HOOK2: variants seen among roughly 807,000 people sequenced by gnomAD.
HOOK2 encodes protein Hook homolog 2.
Under a neutral mutation model 111.9 loss-of-function variants are expected in HOOK2, and 108 were observed. The observed-to-expected ratio is 0.96, with a 90% CI of 0.83 to 1.13. HOOK2 has a LOEUF of 1.13. HOOK2 is among the 50% of genes most tolerant of loss of function. The pLI is 0.00. For missense variants in HOOK2, 978 were observed against 951.3 expected, an observed-to-expected ratio of 1.03 and a Z score of -0.37; for synonymous variants, 405 against 394.3, an observed-to-expected ratio of 1.03 and a Z score of -0.32.
At chr19:12,767,205 T>G (rs1456205768) in intron 14 of HOOK2, among the ~76,000 whole-genome samples, 190 bp downstream of exon 14, 1 of 152,084 alleles carries the variant, frequency 6.6e-6, no homozygotes, top group Non-Finnish European at 1.5e-5. Context: ...GATAGACCCT[T>G]GAGAGGCAAA....
At chr19:12,771,895 A>AG (rs1568369835) in intron 7 of HOOK2, 1 of 394,238 alleles carries the variant, frequency 2.5e-6, no homozygotes, top group African/African-American at 2.1e-5. Context: ...AAAAAAAAAA[A>AG]AAAAGAAAAA....
Position 12,770,087 on chromosome 19 carries a change from G to A in HOOK2, c.903-5C>T. ...CCAGCACGCTCCGAAGACTGCCTAG[G>A]GGAGTGGGAGGGAAGGGGGAGGGCT... On this transcript the variant is annotated splice_region_variant and splice_polypyrimidine_tract_variant and intron_variant, in intron 10 of 22. Transcript: ENST00000397668. 1.3e-6 allele frequency: 2 copies of A among 1,486,316 alleles called. No individual in the cohort carries two copies. Among genetic ancestry groups the A allele is most frequent in the South Asian group, 1.3e-5 (1 of 78,652 alleles). 92.1% of individuals were successfully genotyped at this position (1,486,316 alleles called of 1,614,324 possible). A position where few individuals can be genotyped will look rare whatever the true frequency, so the allele number is the denominator to read the frequency against.
upstream of HOOK2, among the ~76,000 whole-genome samples, chr19:12,777,242 G>A (rs1170617665): frequency 6.6e-6 from 1 of 152,164 alleles, no homozygotes; most frequent in African/African-American, 2.4e-5. Flanking sequence ...GGGAGGTCGA[G>A]GAGGGAGGAC....
At position 12,767,681 on chromosome 19, in the gene HOOK2, C is replaced by T. The variant is rs961726442; in HGVS notation, c.1303+135G>A. 173 of 899,736 alleles carry T rather than the reference C, an allele frequency of 1.9e-4. 1 individual carries two copies. In the Admixed American group the frequency reaches 4.2e-3, roughly 22 times the overall value. The allele number at this position is 899,736 out of a possible 1,614,324, so 55.7% of individuals were successfully genotyped here. A position where few individuals can be genotyped will look rare whatever the true frequency, so the allele number is the denominator to read the frequency against. On this transcript the variant is annotated intron_variant, in intron 13 of 22. Transcript: ENST00000397668. The stretch of plus-strand genomic sequence containing the variant: ...CCCTGAGCCTCTCTCTTCAATTTGA[C>T]CGTGTCACCTCTTTCTGGTCACCTC...
In HOOK2 at chr19:12,765,059, G is replaced by C; in HGVS notation, c.1663C>G (p.Leu555Val). The change falls in exon 19 of 23, where the codon CTG (leucine) becomes GTG (valine). Residue 555 changes from leucine to valine, a missense_variant. By Grantham distance (32) the Leu-to-Val change is conservative (BLOSUM62 1). Coordinates refer to ENST00000397668, the MANE Select transcript of HOOK2 (RefSeq NM_013312.3). ...EHLQKLHEAD[L>V]ELQRKREYIE... The stretch of plus-strand genomic sequence containing the variant: ...TACTCCCGCTTCCTCTGCAACTCCA[G>C]ATCTGCCTCATGAAGCTTCTGCCTG... 1.9e-6 allele frequency: 3 copies of C among 1,614,186 alleles called. No homozygotes were observed. The highest frequency in any genetic ancestry group is 1.7e-6 in the Non-Finnish European group (2 of 1,180,022).
At chr19:12,772,476 G>A in intron 6 of HOOK2, 137 bp downstream of exon 6, 1 of 1,051,274 alleles carries the variant, frequency 9.5e-7, no homozygotes, top group Non-Finnish European at 1.4e-6. Context: ...AGACACATGA[G>A]ACAGAGATGT....
Position 12,770,968 on chromosome 19 carries a change from T to C in HOOK2, c.866A>G (p.Glu289Gly), listed in dbSNP as rs372058207. The C allele has an allele frequency of 7.3e-5, 118 of 1,610,062 alleles. 1 individual carries two copies. Among genetic ancestry groups the C allele is most frequent in the Admixed American group, 2.7e-4 (16 of 59,948 alleles). The change falls in exon 10 of 23, where the codon GAG becomes GGG. Residue 289 changes from glutamate (E) to glycine (G), a missense_variant. Coordinates refer to ENST00000397668, the MANE Select transcript of HOOK2 (RefSeq NM_013312.3). Reference sequence around the variant, plus strand: ...CATCTCATCCTTCAGGGCCTGTGCCTCCTGGGCCAGGCTAGTCAGCGCCTG... The same window carrying C: ...CATCTCATCCTTCAGGGCCTGTGCCCCCTGGGCCAGGCTAGTCAGCGCCTG... ...RNQALTSLAQEAQALKDEMDE... is the reference protein window; with the variant it reads ...RNQALTSLAQGAQALKDEMDE...
At chr19:12,781,483 C>T (rs1020479719), upstream of HOOK2, among the ~76,000 whole-genome samples, 9 of 151,486 alleles carry the variant, frequency 5.9e-5, no homozygotes, top group African/African-American at 1.7e-4. Context: ...CCCGCCACTA[C>T]GCCTGGCTAA....
At chr19:12,773,115 C>T (rs1968385512) in intron 3 of HOOK2, 71 bp from the exon 4 acceptor site, 1 of 1,410,836 alleles carries the variant, frequency 7.1e-7, no homozygotes, top group East Asian at 2.3e-5. Flanking sequence ...CCCATCCTCT[C>T]TCCACCTCAC....
Position 12,763,140 on chromosome 19 carries a change from C to G in HOOK2, c.*142G>C. 2.1e-6 allele frequency: 1 copy of G among 483,810 alleles called. No individual in the cohort carries two copies. Among genetic ancestry groups the G allele is most frequent in the Non-Finnish European group, 3.8e-6 (1 of 263,868 alleles). 30.0% of individuals were successfully genotyped at this position (483,810 alleles called of 1,614,324 possible). A position where few individuals can be genotyped will look rare whatever the true frequency, so the allele number is the denominator to read the frequency against. ...CCTATATCTACCTCCCGCCCTCCCT[C>G]CCCACCAATCTGGGAGAGGGAAGAG... On this transcript the variant is annotated 3_prime_UTR_variant, in exon 23 of 23. Coordinates refer to ENST00000397668, the MANE Select transcript of HOOK2 (RefSeq NM_013312.3).
At chr19:12,765,372 G>T (rs1968116076) in intron 18 of HOOK2, 1 of 586,614 alleles carries the variant, frequency 1.7e-6, no homozygotes, top group Non-Finnish European at 3.0e-6. Context: ...TCCCTTGCTA[G>T]CTTCTTCTAC....
upstream of HOOK2, among the ~76,000 whole-genome samples, chr19:12,776,613 A>G (rs1228168385): frequency 7.0e-6 from 1 of 141,906 alleles, no homozygotes; most frequent in Admixed American, 7.7e-5. Context: ...CTGGAGGCGG[A>G]GGTTGCAGTC....
At chr19:12,775,113 A>T in intron 1 of HOOK2, 1 of 895,616 alleles carries the variant, frequency 1.1e-6, no homozygotes, top group Non-Finnish European at 1.3e-6. Context: ...CGTCCAGGCC[A>T]GGGTGGTATC....
intron 18 of HOOK2, 125 bp downstream of exon 18, chr19:12,765,565 T>G: frequency 7.7e-7 from 1 of 1,307,056 alleles, no homozygotes; most frequent in South Asian, 1.2e-5. Flanking sequence ...CTGGCCAACA[T>G]AGTGAAACCC....
At chr19:12,777,721 G>T (rs1426064023), upstream of HOOK2, among the ~76,000 whole-genome samples, 1 of 152,224 alleles carries the variant, frequency 6.6e-6, no homozygotes, top group Non-Finnish European at 1.5e-5. Context: ...TGAAGCTGCC[G>T]CGTCGCCCGG....
chr19:12,777,719 C>T (rs1018276982), upstream of HOOK2, among the ~76,000 whole-genome samples: 2 of 152,238 alleles, frequency 1.3e-5, no homozygotes, highest in African/African-American at 2.4e-5. Flanking sequence ...GCTGAAGCTG[C>T]CGCGTCGCCC....
At chr19:12,792,281 G>A (rs1050591000) in intron 3 of HOOK2, 9 of 1,495,140 alleles carry the variant, frequency 6.0e-6, no homozygotes, top group Non-Finnish European at 8.0e-6. Flanking sequence ...CTGGGCCCGG[G>A]GGCGTCTACG....
At chr19:12,788,439 T>G (rs555930274) in intron 3 of HOOK2, among the ~76,000 whole-genome samples, 1 of 152,322 alleles carries the variant, frequency 6.6e-6, no homozygotes, top group African/African-American at 2.4e-5. Context: ...CTATCTATCT[T>G]AAGTGTTTCT....
chr19:12,780,619 G>T (rs1431344479), upstream of HOOK2, among the ~76,000 whole-genome samples: 9 of 129,198 alleles, frequency 7.0e-5, no homozygotes, highest in Non-Finnish European at 1.3e-4. Flanking sequence ...GCCTCCCAAA[G>T]TGCTGGATTA....
Sources: gnomAD v4.1 joint callset for allele counts (sites outside exome capture counted in the v4.1 genomes callset) on GRCh38, gnomAD v4.1.1 for gene constraint, MANE v1.5 for transcripts, NCBI Gene and HGNC (gene_info 2026-07-23, HGNC 2026-07-21) for gene names.